Variants in CNKSR3 observed in about 807,000 individuals in gnomAD.
CNKSR3 encodes connector enhancer of kinase suppressor of ras 3.
In CNKSR3, 36 loss-of-function variants were observed where a neutral mutation model predicts 67.7. The observed-to-expected ratio is 0.53, with a 90% CI of 0.41 to 0.70. The LOEUF (loss-of-function observed/expected upper bound fraction) is 0.70, where lower values mean the gene tolerates loss of function less well. Among genes scored for constraint, CNKSR3 ranks in the 30% least tolerant of loss-of-function variants. The pLI, the probability that CNKSR3 is intolerant of heterozygous loss-of-function variation, is 0.00. For missense variants in CNKSR3, 630 were observed against 695.2 expected, an observed-to-expected ratio of 0.91 and a Z score of 1.05; for synonymous variants, 281 against 271.4, an observed-to-expected ratio of 1.04 and a Z score of -0.35.
Position 154,415,708 on chromosome 6 carries a change from C to T in CNKSR3, c.946-1285G>A, listed in dbSNP as rs539318310. 2.6e-5 allele frequency among the ~76,000 whole-genome samples: 4 copies of T among 152,082 alleles called. No homozygotes were observed. The East Asian group carries it at 5.8e-4, about 22-fold the overall frequency. Reference sequence around the variant, plus strand: ...CCATAGAAAATACACAACCTTATACCGTTTATTTTAGTACTATTTATACAT... The same window carrying T: ...CCATAGAAAATACACAACCTTATACTGTTTATTTTAGTACTATTTATACAT... On this transcript the variant is annotated intron_variant, in intron 9 of 12. Coordinates refer to ENST00000607772, the MANE Select transcript of CNKSR3 (RefSeq NM_173515.4).
chr6:154,503,946 G>C (rs1344411410), intron 1 of CNKSR3, among the ~76,000 whole-genome samples: 3 of 152,156 alleles, frequency 2.0e-5, no homozygotes, highest in Non-Finnish European at 4.4e-5. Context: ...CTACGTGCTA[G>C]AACAGTGCTT....
rs1436987360 is a variant in CNKSR3, at chr6:154,395,198, T to C, written c.*11156A>G. The C allele has an allele frequency of 6.6e-6, 1 of 152,226 alleles. No homozygotes were observed. The highest frequency in any genetic ancestry group is 2.4e-5 in the African/African-American group (1 of 41,446). The allele number at this position is 152,226 out of a possible 1,614,324, so 9.4% of individuals were successfully genotyped here. A position where few individuals can be genotyped will look rare whatever the true frequency, so the allele number is the denominator to read the frequency against. ...ATTTGCATGCATCAAGTATTTTCCA[T>C]TGCCAAGAAGAGAATTCAATCCCAT... On this transcript the variant is annotated 3_prime_UTR_variant, in exon 13 of 13. Coordinates refer to ENST00000607772, the MANE Select transcript of CNKSR3 (RefSeq NM_173515.4).
rs1784582128 is a variant in CNKSR3 at position 154,389,339 on chromosome 6, A to G, written c.*17015T>C. The G allele has an allele frequency of 6.6e-6, 1 of 152,376 alleles. No individual in the cohort carries two copies. Among genetic ancestry groups the G allele is most frequent in the Non-Finnish European group, 1.5e-5 (1 of 68,026 alleles). 9.4% of individuals were successfully genotyped at this position (152,376 alleles called of 1,614,324 possible). On this transcript the variant is annotated 3_prime_UTR_variant, in exon 13 of 13. Coordinates refer to ENST00000607772, the MANE Select transcript of CNKSR3 (RefSeq NM_173515.4). ...CTGATTTTCTCAATACCATGTGTTG[A>G]AGAGACTATCCTTTCCCCATTATGT...
intron 2 of CNKSR3, among the ~76,000 whole-genome samples, 166 bp downstream of exon 2, chr6:154,449,929 A>G (rs1402264130): frequency 9.9e-6 from 1 of 100,536 alleles, no homozygotes; most frequent in East Asian, 4.3e-4. Flanking sequence ...CCTTTAATGT[A>G]GAAAATAACT....
rs1784607599 is a variant in CNKSR3, at chr6:154,391,620, A to G, written c.*14734T>C. ...GACTTCAATATGTGAATTTGGAGAG[A>G]ACGTAATTTAGTTCATGCCATTTTG... On this transcript the variant is annotated 3_prime_UTR_variant, in exon 13 of 13. Transcript: ENST00000607772. The G allele has an allele frequency of 6.6e-6, 1 of 152,200 alleles. No homozygotes were observed. Among genetic ancestry groups the G allele is most frequent in the Non-Finnish European group, 1.5e-5 (1 of 68,022 alleles). 9.4% of individuals were successfully genotyped at this position (152,200 alleles called of 1,614,324 possible). A position where few individuals can be genotyped will look rare whatever the true frequency, so the allele number is the denominator to read the frequency against.
chr6:154,441,740 T>A (rs201488977), intron 3 of CNKSR3, among the ~76,000 whole-genome samples: 3,375 of 149,376 alleles, frequency 0.023, 216 homozygotes, highest in East Asian at 0.22. Context: ...AGGAATAGAT[T>A]AAAAACAAAA....
chr6:154,441,456 G>A, intron 3 of CNKSR3, 77 bp from the exon 4 acceptor site: 2 of 992,164 alleles, frequency 2.0e-6, no homozygotes, highest in South Asian at 2.6e-5. Flanking sequence ...GGTAAGCATA[G>A]CTACCCCATG....
rs1584039324 is a variant in CNKSR3, at chr6:154,395,691, G to T, written c.*10663C>A. The T allele has an allele frequency of 1.3e-5, 2 of 152,140 alleles. No individual in the cohort carries two copies. The highest frequency in any genetic ancestry group is 1.9e-4 in the East Asian group (1 of 5,196). The allele number at this position is 152,140 out of a possible 1,614,324, so 9.4% of individuals were successfully genotyped here. A position where few individuals can be genotyped will look rare whatever the true frequency, so the allele number is the denominator to read the frequency against. On this transcript the variant is annotated 3_prime_UTR_variant, in exon 13 of 13. Coordinates refer to ENST00000607772, the MANE Select transcript of CNKSR3 (RefSeq NM_173515.4). ...TACCACTCAACCCCTTGGGATGAAG[G>T]TTCTTAGTAATATTTCACTATTTAG...
At position 154,414,302 on chromosome 6, in the gene CNKSR3, G is replaced by C. The variant is rs779436818; in HGVS notation, c.1067C>G (p.Pro356Arg). 53 of 1,593,354 alleles carry C rather than the reference G, an allele frequency of 3.3e-5. No homozygotes were observed. In the Admixed American group the frequency reaches 6.3e-4, roughly 19 times the overall value. Reference sequence around the variant, plus strand: ...ATGACAATGGACAGCAACATACCGGGGAGAGTAGGGAACAGCAGGCGGAGG... The same window carrying C: ...ATGACAATGGACAGCAACATACCGGCGAGAGTAGGGAACAGCAGGCGGAGG... ...IPPPPAVPYS[P>R]RDENGSFVYG... The change falls in exon 10 of 13, where the codon CCC becomes CGC. Residue 356 changes from proline (P) to arginine (R), a missense_variant. Pro to Arg is a moderately radical substitution (Grantham distance 103, BLOSUM62 -2). Coordinates refer to ENST00000607772, the MANE Select transcript of CNKSR3 (RefSeq NM_173515.4).
chr6:154,414,890 C>T (rs1422403425), intron 9 of CNKSR3: 1 of 448,116 alleles, frequency 2.2e-6, no homozygotes, highest in East Asian at 7.1e-5. Context: ...GAGCTCAGGA[C>T]TTCGAGACCA....
At chr6:154,407,271 A>G (rs1457387807) in intron 12 of CNKSR3, among the ~76,000 whole-genome samples, 1 of 152,234 alleles carries the variant, frequency 6.6e-6, no homozygotes, top group East Asian at 1.9e-4. Context: ...TGTTTAATGC[A>G]GGGCATTCAA....
chr6:154,501,109 G>A lies in CNKSR3; in HGVS notation c.52+8954C>T, dbSNP rs74576247. 2.2e-3 allele frequency among the ~76,000 whole-genome samples: 332 copies of A among 152,332 alleles called. 3 individuals carry two copies. In the East Asian group the frequency reaches 0.024, roughly 11 times the overall value. ...GAGAGCATCTACCTTAGCCCTGGCA[G>A]GAGGGGAAAGAATGAGCAGACATCC... On this transcript the variant is annotated intron_variant, in intron 1 of 12. Transcript: ENST00000607772.
chr6:154,403,598 C>A lies in CNKSR3; in HGVS notation c.*2756G>T, dbSNP rs1049439762. 1 of 150,522 alleles carries A rather than the reference C, an allele frequency of 6.6e-6. No homozygotes were observed. The highest frequency in any genetic ancestry group is 1.5e-5 in the Non-Finnish European group (1 of 67,706). 9.3% of individuals were successfully genotyped at this position (150,522 alleles called of 1,614,324 possible). ...TATGTATGTCCATAGTAGAGGTTTACAAAGGTTTTTTTTTTTTAGCAGCAA... is the reference window on the plus strand; with the variant it reads ...TATGTATGTCCATAGTAGAGGTTTAAAAAGGTTTTTTTTTTTTAGCAGCAA... On this transcript the variant is annotated 3_prime_UTR_variant, in exon 13 of 13. Coordinates refer to ENST00000607772, the MANE Select transcript of CNKSR3 (RefSeq NM_173515.4).
At chr6:154,442,346 G>T in intron 2 of CNKSR3, 56 bp from the exon 3 acceptor site, 1 of 1,470,438 alleles carries the variant, frequency 6.8e-7, no homozygotes. Context: ...TATTCGACAG[G>T]GCGCGGTGGC....
rs185895549 is a variant in CNKSR3, at chr6:154,452,533, G to C, written c.53-2275C>G. 3.9e-5 allele frequency among the ~76,000 whole-genome samples: 6 copies of C among 152,204 alleles called. No individual in the cohort carries two copies. In the East Asian group the frequency reaches 1.2e-3, roughly 29 times the overall value. ...ATGATTTTCTCTTCTCTCTTGGGACGCTGTCTTCCCTAGCCTACTTTTAAG... is the reference window on the plus strand; with the variant it reads ...ATGATTTTCTCTTCTCTCTTGGGACCCTGTCTTCCCTAGCCTACTTTTAAG... On this transcript the variant is annotated intron_variant, in intron 1 of 12. Transcript: ENST00000607772.
chr6:154,461,065 A>T (rs975689352), intron 1 of CNKSR3, among the ~76,000 whole-genome samples: 16 of 152,194 alleles, frequency 1.1e-4, no homozygotes, highest in African/African-American at 3.9e-4. Flanking sequence ...TATTAAATTA[A>T]AACCCCGCAT....
intron 1 of CNKSR3, 87 bp downstream of exon 1, chr6:154,509,976 G>C: frequency 6.9e-7 from 1 of 1,457,718 alleles, no homozygotes; most frequent in South Asian, 1.1e-5. Context: ...CTCGCCGGGA[G>C]GAAGGGCCAA....
At chr6:154,422,238 C>T (rs189954809) in intron 9 of CNKSR3, among the ~76,000 whole-genome samples, 248 of 152,124 alleles carry the variant, frequency 1.6e-3, no homozygotes, top group Middle Eastern at 6.8e-3. Flanking sequence ...GTGATCCGCC[C>T]GCCTCAGCCT....
rs776826750 is a variant in CNKSR3 at position 154,442,307 on chromosome 6, CAA to C, written c.217-19_217-18del. 160 of 1,606,742 alleles carry C rather than the reference CAA, an allele frequency of 1.0e-4. No individual in the cohort carries two copies. The highest frequency in any genetic ancestry group is 8.0e-5 in the Non-Finnish European group (94 of 1,173,820). Reference sequence around the variant, plus strand: ...GCCATAATTCTGTGGAAAATAAAATCAAAGAGAAAAATTCAAAACAATGCACA... The same window carrying C: ...GCCATAATTCTGTGGAAAATAAAATCAGAGAAAAATTCAAAACAATGCACA... On this transcript the variant is annotated intron_variant, in intron 2 of 12. Coordinates refer to ENST00000607772, the MANE Select transcript of CNKSR3 (RefSeq NM_173515.4).
Sources: allele counts gnomAD v4.1 joint callset (sites outside exome capture counted in the v4.1 genomes callset), GRCh38; gene constraint gnomAD v4.1.1; transcripts MANE v1.5; gene names NCBI Gene and HGNC (gene_info 2026-07-23, HGNC 2026-07-21).